MGMT: variants seen among roughly 807,000 people sequenced by gnomAD.
MGMT encodes the protein methylated-DNA--protein-cysteine methyltransferase.
In MGMT, 14 loss-of-function variants were observed where a neutral mutation model predicts 15.9. That is an observed-to-expected ratio of 0.88 (90% confidence interval 0.58 to 1.37). The LOEUF is 1.37. MGMT is among the 40% of genes most tolerant of loss of function. The pLI, the probability that MGMT is intolerant of heterozygous loss-of-function variation, is 0.00. For missense variants in MGMT, 282 were observed against 268.1 expected (o/e 1.05, Z -0.36); for synonymous variants, 130 against 118.2 (o/e 1.10, Z -0.65).
intron 2 of MGMT, among the ~76,000 whole-genome samples, chr10:129,650,093 C>T (rs1157343580): frequency 6.6e-6 from 1 of 152,200 alleles, no homozygotes; most frequent in Non-Finnish European, 1.5e-5. Context: ...AGGAAGGGCA[C>T]TCACCGGCTC....
chr10:129,552,977 C>G (rs1846175195), intron 2 of MGMT, among the ~76,000 whole-genome samples: 1 of 152,116 alleles, frequency 6.6e-6, no homozygotes, highest in Non-Finnish European at 1.5e-5. Context: ...TAAAACTTTT[C>G]AAGCAGTAAA....
chr10:129,622,787 G>A (rs766430100), intron 2 of MGMT, among the ~76,000 whole-genome samples: 3 of 150,518 alleles, frequency 2.0e-5, no homozygotes, highest in Non-Finnish European at 4.4e-5. Flanking sequence ...TCAATAAATG[G>A]CCTGTAAAAA....
rs547893365 is a variant in MGMT, at chr10:129,656,177, G to A, written c.126-51718G>A. 2.0e-5 allele frequency among the ~76,000 whole-genome samples: 3 copies of A among 152,336 alleles called. No individual in the cohort carries two copies. The East Asian group carries it at 5.8e-4, about 29-fold the overall frequency. On this transcript the variant is annotated intron_variant, in intron 2 of 4. Coordinates refer to ENST00000651593, the MANE Select transcript of MGMT (RefSeq NM_002412.5). ...GTCCCTTCAGGACTATGGCACTACA[G>A]TTCTATGTAAGCTGTCACCCAGGAC...
chr10:129,714,721 A>ATT (rs1326998477), intron 3 of MGMT, among the ~76,000 whole-genome samples: 3 of 152,160 alleles, frequency 2.0e-5, no homozygotes, highest in African/African-American at 7.2e-5. Context: ...AACATTCCTA[A>ATT]TTTAATAGCT....
chr10:129,723,977 C>CT (rs1214808081), intron 3 of MGMT, among the ~76,000 whole-genome samples: 2 of 152,160 alleles, frequency 1.3e-5, no homozygotes, highest in Admixed American at 6.5e-5. Flanking sequence ...GCTTATAAAA[C>CT]TAAGTGTTCT....
chr10:129,525,589 A>ATT, intron 1 of MGMT, among the ~76,000 whole-genome samples: 1 of 152,272 alleles, frequency 6.6e-6, no homozygotes, highest in South Asian at 2.1e-4. Flanking sequence ...TATTCTTTAC[A>ATT]ACCAAAGCAT....
chr10:129,578,157 A>G (rs1589876294), intron 2 of MGMT, among the ~76,000 whole-genome samples: 1 of 152,220 alleles, frequency 6.6e-6, no homozygotes, highest in African/African-American at 2.4e-5. Context: ...TAGAAATACC[A>G]TTTGACCCAG....
At chr10:129,583,902 T>C (rs1027750519) in intron 2 of MGMT, among the ~76,000 whole-genome samples, 4 of 152,120 alleles carry the variant, frequency 2.6e-5, no homozygotes, top group African/African-American at 4.8e-5. Flanking sequence ...ACAGTCTATG[T>C]GTGGGTGCCT....
At chr10:129,608,022 G>C (rs1438388098) in intron 2 of MGMT, among the ~76,000 whole-genome samples, 2 of 152,034 alleles carry the variant, frequency 1.3e-5, no homozygotes, top group Non-Finnish European at 1.5e-5. Flanking sequence ...ATCAGTGCAT[G>C]TAATATTGCC....
chr10:129,722,730 G>C (rs1848386163), intron 3 of MGMT, among the ~76,000 whole-genome samples: 1 of 152,164 alleles, frequency 6.6e-6, no homozygotes, highest in Non-Finnish European at 1.5e-5. Context: ...TGTTGGCCAG[G>C]CATGGTGGCT....
intron 2 of MGMT, among the ~76,000 whole-genome samples, chr10:129,642,965 G>C (rs1447021874): frequency 6.6e-6 from 1 of 152,108 alleles, no homozygotes; most frequent in African/African-American, 2.4e-5. Flanking sequence ...GGTAATAAAA[G>C]AGCACCAGGA....
chr10:129,539,285 TTG>T (rs1846018082), intron 2 of MGMT, among the ~76,000 whole-genome samples: 1 of 152,252 alleles, frequency 6.6e-6, no homozygotes, highest in Non-Finnish European at 1.5e-5. Context: ...AATTACCTTT[TTG>T]TGAGGTACAG....
intron 3 of MGMT, among the ~76,000 whole-genome samples, chr10:129,708,696 C>T (rs1040986968): frequency 1.1e-4 from 17 of 152,076 alleles, no homozygotes; most frequent in Non-Finnish European, 2.1e-4. Context: ...AGACACATGC[C>T]AGAAATTTAT....
At chr10:129,640,245 G>A (rs1374920615) in intron 2 of MGMT, among the ~76,000 whole-genome samples, 1 of 151,854 alleles carries the variant, frequency 6.6e-6, no homozygotes, top group Non-Finnish European at 1.5e-5. Flanking sequence ...CTACAGGTGA[G>A]CACCACCATG....
intron 1 of MGMT, among the ~76,000 whole-genome samples, chr10:129,471,558 C>A (rs1330338064): frequency 6.6e-6 from 1 of 152,076 alleles, no homozygotes; most frequent in Non-Finnish European, 1.5e-5. Flanking sequence ...CGAGTCACAG[C>A]CCCTTGAACC....
At chr10:129,468,445 C>G (rs923199591) in intron 1 of MGMT, among the ~76,000 whole-genome samples, 3 of 151,946 alleles carry the variant, frequency 2.0e-5, no homozygotes, top group African/African-American at 7.3e-5. Context: ...CTTGCTCTGC[C>G]GCGTGTCTTT....
Position 129,639,700 on chromosome 10 carries a change from A to G in MGMT, c.126-68195A>G, listed in dbSNP as rs527838274. 7.9e-5 allele frequency among the ~76,000 whole-genome samples: 12 copies of G among 152,324 alleles called. No individual in the cohort carries two copies. In the East Asian group the frequency reaches 2.3e-3, roughly 29 times the overall value. On this transcript the variant is annotated intron_variant, in intron 2 of 4. Coordinates refer to ENST00000651593, the MANE Select transcript of MGMT (RefSeq NM_002412.5). ...GCGGCTAAAAGTGTGCTTTGAGGGAAATTTATAACATTAAGTTTTTATAAT... is the reference window on the plus strand; with the variant it reads ...GCGGCTAAAAGTGTGCTTTGAGGGAGATTTATAACATTAAGTTTTTATAAT...
intron 2 of MGMT, among the ~76,000 whole-genome samples, chr10:129,562,415 A>G (rs1347636497): frequency 1.3e-5 from 2 of 152,206 alleles, no homozygotes; most frequent in Non-Finnish European, 2.9e-5. Context: ...GTACAAAAAC[A>G]TGGACGATTT....
At chr10:129,747,164 T>C (rs1311639893) in intron 3 of MGMT, among the ~76,000 whole-genome samples, 1 of 152,248 alleles carries the variant, frequency 6.6e-6, no homozygotes, top group African/African-American at 2.4e-5. Flanking sequence ...CTAAACTCAC[T>C]TATTAGTTCT....
Sources: allele counts gnomAD v4.1 joint callset (sites outside exome capture counted in the v4.1 genomes callset), GRCh38; gene constraint gnomAD v4.1.1; transcripts MANE v1.5; gene names NCBI Gene and HGNC (gene_info 2026-07-23, HGNC 2026-07-21).